The following HS6ST1 variants were observed in gnomAD, a reference collection of about 807,000 sequenced individuals.
HS6ST1 encodes the protein heparan-sulfate 6-O-sulfotransferase 1.
A neutral mutation model predicts 25.2 loss-of-function variants in HS6ST1; 3 were observed. The observed-to-expected ratio is 0.12, with a 90% CI of 0.05 to 0.31. The LOEUF is 0.31. HS6ST1 is among the 10% of genes least tolerant of loss of function. HS6ST1 has a pLI of 1.00. For synonymous variants in HS6ST1, 204 were observed against 275.1 expected (o/e 0.74, Z 2.56); for missense variants, 310 against 609.6 (o/e 0.51, Z 5.18).
chr2:128,276,344 C>A (rs1573691617), intron 1 of HS6ST1, among the ~76,000 whole-genome samples: 1 of 152,188 alleles, frequency 6.6e-6, no homozygotes, highest in African/African-American at 2.4e-5. Context: ...CCATGTTGGC[C>A]AGGCTGGTCT....
At chr2:128,297,389 T>C (rs190621502) in intron 1 of HS6ST1, among the ~76,000 whole-genome samples, 132 of 152,322 alleles carry the variant, frequency 8.7e-4, no homozygotes, top group African/African-American at 3.2e-3. Context: ...AATGGATTAA[T>C]GACCAATGGT....
At chr2:128,309,354 G>C (rs912191919) in intron 1 of HS6ST1, among the ~76,000 whole-genome samples, 1 of 152,272 alleles carries the variant, frequency 6.6e-6, no homozygotes, top group Non-Finnish European at 1.5e-5. Context: ...GCCAGAGCTA[G>C]AATGCAAACT....
chr2:128,300,830 C>T (rs979333550), intron 1 of HS6ST1, among the ~76,000 whole-genome samples: 2 of 152,338 alleles, frequency 1.3e-5, no homozygotes, highest in South Asian at 2.1e-4. Flanking sequence ...GCGTGTCTCA[C>T]CCTCCAGAGC....
chr2:128,311,121 C>T (rs954129713), intron 1 of HS6ST1, among the ~76,000 whole-genome samples: 1 of 152,214 alleles, frequency 6.6e-6, no homozygotes, highest in East Asian at 1.9e-4. Flanking sequence ...GCAACCTCAT[C>T]CCCTAGGTCT....
intron 1 of HS6ST1, among the ~76,000 whole-genome samples, chr2:128,271,491 G>A (rs1000368915): frequency 1.8e-4 from 28 of 152,228 alleles, no homozygotes; most frequent in Admixed American, 1.5e-3. Context: ...GATCCAGCCT[G>A]TTCCTGGACA....
Position 128,307,866 on chromosome 2 carries a change from G to A in HS6ST1, c.527+10171C>T, listed in dbSNP as rs1053844582. On this transcript the variant is annotated intron_variant, in intron 1 of 1. Coordinates refer to ENST00000259241, the MANE Select transcript of HS6ST1 (RefSeq NM_004807.3). ...GGGACCATGAGCGAGCACCGTGGCCGCACCTGGACTGTGATGGCCAAAGTG... is the reference window on the plus strand; with the variant it reads ...GGGACCATGAGCGAGCACCGTGGCCACACCTGGACTGTGATGGCCAAAGTG... 1.2e-4 allele frequency among the ~76,000 whole-genome samples: 19 copies of A among 152,284 alleles called. 1 individual carries two copies. In the East Asian group the frequency reaches 1.4e-3, roughly 11 times the overall value.
intron 1 of HS6ST1, among the ~76,000 whole-genome samples, chr2:128,295,166 C>T (rs565760821): frequency 2.0e-5 from 3 of 152,330 alleles, no homozygotes; most frequent in South Asian, 2.1e-4. Flanking sequence ...GAGATGTTGC[C>T]GGCTGATGGC....
chr2:128,280,348 G>A (rs762098481), intron 1 of HS6ST1, among the ~76,000 whole-genome samples: 3 of 152,246 alleles, frequency 2.0e-5, no homozygotes, highest in Non-Finnish European at 4.4e-5. Context: ...GCTGTCCATG[G>A]TGTCATTCCT....
At chr2:128,285,511 G>A (rs373532561) in intron 1 of HS6ST1, among the ~76,000 whole-genome samples, 3 of 152,214 alleles carry the variant, frequency 2.0e-5, no homozygotes, top group South Asian at 2.1e-4. Flanking sequence ...GATGCCTGCC[G>A]CTACGGCCCA....
At chr2:128,301,620 C>T (rs534001321) in intron 1 of HS6ST1, among the ~76,000 whole-genome samples, 13 of 152,302 alleles carry the variant, frequency 8.5e-5, no homozygotes, top group South Asian at 2.1e-4. Flanking sequence ...TCACCACTGG[C>T]GCCAAAGCAT....
intron 1 of HS6ST1, among the ~76,000 whole-genome samples, chr2:128,273,955 C>T (rs776653072): frequency 1.3e-5 from 2 of 152,158 alleles, no homozygotes; most frequent in Non-Finnish European, 2.9e-5. Context: ...TCTGCACACT[C>T]ACGGTGGTCC....
intron 1 of HS6ST1, among the ~76,000 whole-genome samples, chr2:128,306,461 G>A (rs556656777): frequency 9.9e-5 from 15 of 152,142 alleles, no homozygotes; most frequent in Non-Finnish European, 2.2e-4. Context: ...TACAGATCCC[G>A]ATCTCCCACG....
chr2:128,304,944 T>C (rs1332577054), intron 1 of HS6ST1, among the ~76,000 whole-genome samples: 5 of 152,180 alleles, frequency 3.3e-5, no homozygotes, highest in Admixed American at 6.5e-5. Flanking sequence ...TGGCAACCCA[T>C]GGAACATGGT....
chr2:128,309,939 C>T (rs1045049814), intron 1 of HS6ST1, among the ~76,000 whole-genome samples: 7 of 152,252 alleles, frequency 4.6e-5, no homozygotes, highest in African/African-American at 1.4e-4. Context: ...AGGGATCATG[C>T]GGTCACCACG....
At chr2:128,280,610 C>A (rs973240197) in intron 1 of HS6ST1, among the ~76,000 whole-genome samples, 2 of 152,236 alleles carry the variant, frequency 1.3e-5, no homozygotes, top group African/African-American at 4.8e-5. Context: ...CGGCAGCAGG[C>A]TGGGGAGCCC....
chr2:128,305,520 G>C (rs931447399), intron 1 of HS6ST1, among the ~76,000 whole-genome samples: 11 of 152,264 alleles, frequency 7.2e-5, no homozygotes, highest in African/African-American at 2.7e-4. Flanking sequence ...GAGCCCTGGG[G>C]TCTGCAGTGG....
intron 1 of HS6ST1, among the ~76,000 whole-genome samples, chr2:128,308,710 A>C (rs1694247321): frequency 6.6e-6 from 1 of 152,236 alleles, no homozygotes; most frequent in African/African-American, 2.4e-5. Flanking sequence ...GGAGACCCCC[A>C]CAGCCAAAAC....
At chr2:128,279,765 C>T (rs1006221200) in intron 1 of HS6ST1, among the ~76,000 whole-genome samples, 2 of 152,204 alleles carry the variant, frequency 1.3e-5, no homozygotes, top group African/African-American at 2.4e-5. Context: ...GACTGCACTC[C>T]AACCTGGGCA....
intron 1 of HS6ST1, among the ~76,000 whole-genome samples, chr2:128,310,003 C>T (rs886965386): frequency 6.6e-6 from 1 of 152,220 alleles, no homozygotes; most frequent in African/African-American, 2.4e-5. Flanking sequence ...CAGACTGCCA[C>T]CCCCCTTTTA....
Sources: gnomAD v4.1 joint callset for allele counts (sites outside exome capture counted in the v4.1 genomes callset) on GRCh38, gnomAD v4.1.1 for gene constraint, MANE v1.5 for transcripts, NCBI Gene and HGNC (gene_info 2026-07-23, HGNC 2026-07-21) for gene names.